Variants in RGS3 observed in about 807,000 individuals in gnomAD.
RGS3 encodes regulator of G-protein signalling 3.
In RGS3, 80 loss-of-function variants were observed where a neutral mutation model predicts 132.6. That is an observed-to-expected ratio of 0.60 (90% confidence interval 0.50 to 0.73). RGS3 has a LOEUF of 0.73. Ranked by LOEUF, RGS3 falls within the 30% of genes least tolerant of loss-of-function variation. The pLI, the probability that RGS3 is intolerant of heterozygous loss-of-function variation, is 0.00. For synonymous variants in RGS3, 598 were observed against 620.6 expected (o/e 0.96, Z 0.54); for missense variants, 1,382 against 1,530.8 (o/e 0.90, Z 1.62).
chr9:113,478,466 C>T (rs1346208302), intron 3 of RGS3, among the ~76,000 whole-genome samples: 3 of 152,130 alleles, frequency 2.0e-5, no homozygotes, highest in East Asian at 1.9e-4. Flanking sequence ...CTCCCTCCCC[C>T]GCCAGATACA....
Position 113,506,558 on chromosome 9 carries a change from A to G in RGS3, c.1085+65A>G. ...TGGCACACCCTCCCCACCCCTGGGC[A>G]CACTGCCTTGCCTGGCCCAGCTCTT... is the stretch of plus-strand genomic sequence containing the variant. On this transcript the variant is annotated intron_variant, in intron 12 of 24. Coordinates refer to ENST00000350696, the Ensembl canonical transcript of RGS3. This position sits in a 1 kb window ranked among gnomAD's most constrained non-coding sequence, Gnocchi z 4.7. 9.1e-7 allele frequency: 1 copy of G among 1,099,178 alleles called. No individual in the cohort carries two copies. The highest frequency in any genetic ancestry group is 1.4e-6 in the Non-Finnish European group (1 of 737,674). 68.1% of individuals were successfully genotyped at this position (1,099,178 alleles called of 1,614,324 possible).
In RGS3 at chr9:113,596,752, C is replaced by T; in HGVS notation, c.3412-16C>T. 3 of 1,599,212 alleles carry T rather than the reference C, an allele frequency of 1.9e-6. No homozygotes were observed. The highest frequency in any genetic ancestry group is 2.6e-6 in the Non-Finnish European group (3 of 1,172,906). Reference sequence around the variant, plus strand: ...CCAGCAGGCAGCCCTGACCATGTCCCCCTCTGCCTCCCCAGGTCAACCTGG... The same window carrying T: ...CCAGCAGGCAGCCCTGACCATGTCCTCCTCTGCCTCCCCAGGTCAACCTGG... On this transcript the variant is annotated splice_polypyrimidine_tract_variant and intron_variant, in intron 24 of 24. Transcript: ENST00000350696.
At chr9:113,536,637 A>T (rs112189420) in intron 18 of RGS3, 159 bp from the exon 17 acceptor site, 1 of 1,468,960 alleles carries the variant, frequency 6.8e-7, no homozygotes, top group African/African-American at 1.4e-5. Flanking sequence ...GGCTGCCTCA[A>T]TGTCACTGGG....
chr9:113,505,589 G>A (rs1442626207), intron 11 of RGS3, 66 bp downstream of exon 9: 2 of 1,310,774 alleles, frequency 1.5e-6, no homozygotes, highest in Non-Finnish European at 2.2e-6. Context: ...TGCAAACATA[G>A]TCTGGAACTA....
chr9:113,553,467 T>A (rs374369247), intron 19 of RGS3, among the ~76,000 whole-genome samples: 2,016 of 43,024 alleles, frequency 0.047, 12 homozygotes, highest in African/African-American at 0.073. Flanking sequence ...AAAATATATA[T>A]ATATATATAT....
intron 19 of RGS3, among the ~76,000 whole-genome samples, chr9:113,545,719 C>CTTA (rs1173926286): frequency 1.8e-4 from 28 of 152,166 alleles, no homozygotes; most frequent in Non-Finnish European, 3.2e-4. Flanking sequence ...ATAAGGTAAC[C>CTTA]TGGTGGGCAC....
At chr9:113,450,246 T>G (rs1829210141) in intron 1 of RGS3, among the ~76,000 whole-genome samples, 1 of 151,988 alleles carries the variant, frequency 6.6e-6, no homozygotes, top group South Asian at 2.1e-4. Flanking sequence ...TTTTTTTTTG[T>G]ATTTTTAGTA....
chr9:113,464,276 C>T lies in RGS3; in HGVS notation c.415+2075C>T, dbSNP rs758413458. Among the ~76,000 whole-genome samples, 7 of 152,240 alleles carry T rather than the reference C, an allele frequency of 4.6e-5. No individual in the cohort carries two copies. The South Asian group carries it at 8.3e-4, about 18-fold the overall frequency. On this transcript the variant is annotated intron_variant, in intron 3 of 24. Transcript: ENST00000350696. ...ACCCACTTTCCTTTGGCTCAGGGAG[C>T]GGACAGGTGCTGGGCCCTTTGGCCC...
chr9:113,510,528 G>C (rs930951306), intron 14 of RGS3, among the ~76,000 whole-genome samples: 3 of 152,220 alleles, frequency 2.0e-5, no homozygotes, highest in African/African-American at 7.2e-5. Context: ...TCTGGTCGTG[G>C]AGGAGGGGGG....
rs1463995198 is a variant in RGS3, at chr9:113,565,930, T to C, written c.2038-17520T>C. Among the ~76,000 whole-genome samples the C allele has an allele frequency of 1.3e-5, 2 of 151,984 alleles. No individual in the cohort carries two copies. Among genetic ancestry groups the C allele is most frequent in the Non-Finnish European group, 2.9e-5 (2 of 67,970 alleles). Reference sequence around the variant, plus strand: ...GTGTGTGTGTGTCTGTCTGTCTGTCTGTCTCAGGGGCTGGGAGCCCTGCAA... The same window carrying C: ...GTGTGTGTGTGTCTGTCTGTCTGTCCGTCTCAGGGGCTGGGAGCCCTGCAA... On this transcript the variant is annotated intron_variant, in intron 19 of 24. Transcript: ENST00000350696. This position sits in a 1 kb window ranked among gnomAD's most constrained non-coding sequence, Gnocchi z 5.7.
chr9:113,482,993 C>G (rs1220676045), intron 4 of RGS3, 66 bp from the exon 3 acceptor site: 3 of 1,610,970 alleles, frequency 1.9e-6, no homozygotes, highest in African/African-American at 1.3e-5. Flanking sequence ...ATGTGTGTCT[C>G]TCTTTCTCGC....
At chr9:113,449,214 G>A (rs1829185473) in intron 1 of RGS3, among the ~76,000 whole-genome samples, 2 of 152,132 alleles carry the variant, frequency 1.3e-5, no homozygotes, top group Admixed American at 1.3e-4. Context: ...AAGATGGGAG[G>A]TGATCAGGGC....
Position 113,546,738 on chromosome 9 carries a change from G to A in RGS3, c.2037+9820G>A, listed in dbSNP as rs554234043. On this transcript the variant is annotated intron_variant, in intron 19 of 24. Coordinates refer to ENST00000350696, the Ensembl canonical transcript of RGS3. ...TCACTTCAGGGTCATGGATACCACTGTGTTCCCATGCTGACACTGGGGAAT... is the reference window on the plus strand; with the variant it reads ...TCACTTCAGGGTCATGGATACCACTATGTTCCCATGCTGACACTGGGGAAT... 7.4e-4 allele frequency among the ~76,000 whole-genome samples: 112 copies of A among 152,332 alleles called. 1 individual carries two copies. The highest frequency in any genetic ancestry group is 2.4e-3 in the African/African-American group (101 of 41,576).
At chr9:113,451,995 C>T (rs1829255602) in intron 1 of RGS3, among the ~76,000 whole-genome samples, 1 of 151,718 alleles carries the variant, frequency 6.6e-6, no homozygotes, top group African/African-American at 2.4e-5. Flanking sequence ...TCTTTTTCTT[C>T]TTTTTGTTTT....
At chr9:113,541,499 C>T (rs988614346) in intron 19 of RGS3, 5 of 1,572,928 alleles carry the variant, frequency 3.2e-6, no homozygotes, top group Non-Finnish European at 4.3e-6. Flanking sequence ...ACACAGTAAC[C>T]TCACCTCAAC....
At chr9:113,467,017 C>G (rs535659073) in intron 3 of RGS3, among the ~76,000 whole-genome samples, 1 of 151,914 alleles carries the variant, frequency 6.6e-6, no homozygotes, top group Non-Finnish European at 1.5e-5. Context: ...ATAATGTTTT[C>G]AAGTTTAATC....
intron 19 of RGS3, among the ~76,000 whole-genome samples, chr9:113,569,717 A>T (rs1273715547): frequency 3.3e-5 from 5 of 151,292 alleles, no homozygotes; most frequent in Non-Finnish European, 5.9e-5. Flanking sequence ...TAGATCTAAA[A>T]GGCCCAATCT....
At chr9:113,560,066 C>A (rs901145952) in intron 19 of RGS3, among the ~76,000 whole-genome samples, 1 of 152,090 alleles carries the variant, frequency 6.6e-6, no homozygotes, top group African/African-American at 2.4e-5. Context: ...AGGGACTTGC[C>A]CAGGATAATT....
upstream of RGS3, among the ~76,000 whole-genome samples, chr9:113,455,262 G>C (rs1354621794): frequency 1.3e-5 from 2 of 152,214 alleles, no homozygotes; most frequent in African/African-American, 2.4e-5. Flanking sequence ...TTCAGGTGAA[G>C]GGAAAATCCA....
Sources: allele counts gnomAD v4.1 joint callset (sites outside exome capture counted in the v4.1 genomes callset), GRCh38; gene constraint gnomAD v4.1.1; non-coding constraint Gnocchi (gnomAD v3.1); transcripts MANE v1.5; gene names NCBI Gene and HGNC (gene_info 2026-07-23, HGNC 2026-07-21).